UBE3C: variants seen among roughly 807,000 people sequenced by gnomAD.
UBE3C encodes the protein ubiquitin protein ligase E3C, also known as ubiquitin-protein ligase E3C.
Under a neutral mutation model 129.4 loss-of-function variants are expected in UBE3C, and 42 were observed. That is an observed-to-expected ratio of 0.32 (90% CI 0.25 to 0.42). The LOEUF (loss-of-function observed/expected upper bound fraction) is 0.42, where lower values mean the gene tolerates loss of function less well. UBE3C is among the 10% of genes least tolerant of loss of function. UBE3C has a pLI of 1.00. For synonymous variants in UBE3C, 510 were observed against 492.4 expected, an observed-to-expected ratio of 1.04 and a Z score of -0.47; for missense variants, 1,049 against 1,319.1, an observed-to-expected ratio of 0.80 and a Z score of 3.17.
At chr7:157,262,349 T>G (rs1335329654) in intron 22 of UBE3C, among the ~76,000 whole-genome samples, 1 of 143,570 alleles carries the variant, frequency 7.0e-6, no homozygotes, top group Non-Finnish European at 1.5e-5. Flanking sequence ...GAAGTTTACA[T>G]TTAACAGTAA....
Position 157,182,154 on chromosome 7 carries a change from T to C in UBE3C, c.817T>C (p.Phe273Leu). ...AFTEEFLAAP[F>L]TDQIFHFIIP... ...CACAGAGGAGTTTCTGGCAGCACCTTTTACAGATCAGATTTTTCATTTCAT... is the reference window on the plus strand; with the variant it reads ...CACAGAGGAGTTTCTGGCAGCACCTCTTACAGATCAGATTTTTCATTTCAT... Residue 273 changes from phenylalanine to leucine, a missense_variant, in exon 8 of 23, where the codon TTT becomes CTT. Physicochemically the swap from Phe to Leu is conservative, Grantham distance 22 (BLOSUM62 0). Transcript: ENST00000348165. 1 of 1,610,560 alleles carries C rather than the reference T, an allele frequency of 6.2e-7. No individual in the cohort carries two copies. The highest frequency in any genetic ancestry group is 8.5e-7 in the Non-Finnish European group (1 of 1,179,122).
chr7:157,205,826 A>C (rs1347852929), intron 11 of UBE3C, among the ~76,000 whole-genome samples: 1 of 152,180 alleles, frequency 6.6e-6, no homozygotes, highest in East Asian at 1.9e-4. Context: ...TCAGGTGCAC[A>C]TATGGGTTCC....
At position 157,184,028 on chromosome 7, in the gene UBE3C, C is replaced by T. The variant is rs775013451; in HGVS notation, c.1142C>T (p.Pro381Leu). The T allele has an allele frequency of 1.1e-5, 17 of 1,613,950 alleles. No homozygotes were observed. The highest frequency in any genetic ancestry group is 4.5e-5 in the East Asian group (2 of 44,872). The change falls in exon 9 of 23, where the codon CCG becomes CTG. Residue 381 changes from proline to leucine, a missense_variant and splice_region_variant. Pro to Leu is a moderately conservative substitution (Grantham distance 98, BLOSUM62 -3). Transcript: ENST00000348165. ...ESEEADKPSS[P>L]EDGRLSVSYI... ...GAAGAAGCCGACAAGCCCTCAAGCC[C>T]GGTAAGCCCCGTGCCCTGCATCTGG...
At chr7:157,240,498 C>T (rs921162106) in intron 18 of UBE3C, among the ~76,000 whole-genome samples, 1 of 152,090 alleles carries the variant, frequency 6.6e-6, no homozygotes, top group Non-Finnish European at 1.5e-5. Flanking sequence ...GAAGTGAGAC[C>T]AGCCGTGTGG....
rs569340772 is a variant in UBE3C at position 157,163,247 on chromosome 7, C to T, written c.67-563C>T. Reference sequence around the variant, plus strand: ...AAAAAAATACAAAAAATTAGCCGGGCGTGGTGGCGGGCGCCTGTAGTCCCA... The same window carrying T: ...AAAAAAATACAAAAAATTAGCCGGGTGTGGTGGCGGGCGCCTGTAGTCCCA... On this transcript the variant is annotated intron_variant, in intron 1 of 22. Coordinates refer to ENST00000348165, the MANE Select transcript of UBE3C (RefSeq NM_014671.3). Among the ~76,000 whole-genome samples, 409 of 151,928 alleles carry T rather than the reference C, an allele frequency of 2.7e-3. 2 individuals are homozygous for T. Among genetic ancestry groups the T allele is most frequent in the African/African-American group, 9.2e-3 (383 of 41,452 alleles).
At chr7:157,182,351 T>C (rs1177721788) in intron 8 of UBE3C, 23 bp downstream of exon 8, 2 of 1,609,626 alleles carry the variant, frequency 1.2e-6, no homozygotes, top group Non-Finnish European at 1.7e-6. Flanking sequence ...AGATCTTTTT[T>C]ACCTGAACAC....
intron 22 of UBE3C, among the ~76,000 whole-genome samples, chr7:157,263,844 TCC>T (rs1796990322): frequency 6.6e-6 from 1 of 151,680 alleles, no homozygotes; most frequent in African/African-American, 2.4e-5. Context: ...CTATATTTCC[TCC>T]CATTCTAACC....
chr7:157,199,239 G>T (rs1809210170), intron 10 of UBE3C, among the ~76,000 whole-genome samples: 1 of 152,080 alleles, frequency 6.6e-6, no homozygotes. Flanking sequence ...AAATTATTTT[G>T]AAAGTTCGTA....
chr7:157,250,963 C>T (rs961184751), intron 19 of UBE3C, among the ~76,000 whole-genome samples: 8 of 152,060 alleles, frequency 5.3e-5, no homozygotes, highest in South Asian at 2.1e-4. Flanking sequence ...AAAGCACTGC[C>T]GATAATACTG....
intron 22 of UBE3C, among the ~76,000 whole-genome samples, chr7:157,261,447 G>T (rs1796912427): frequency 6.6e-6 from 1 of 151,556 alleles, no homozygotes; most frequent in African/African-American, 2.4e-5. Flanking sequence ...CGGTCTTACT[G>T]TTTTTTTTAT....
chr7:157,140,604 C>T (rs1180327654), intron 1 of UBE3C, among the ~76,000 whole-genome samples: 1 of 152,172 alleles, frequency 6.6e-6, no homozygotes, highest in Non-Finnish European at 1.5e-5. Flanking sequence ...CTTACAAGTT[C>T]GGAAGGTGAG....
rs1373079695 is a variant in UBE3C at position 157,178,841 on chromosome 7, C to G, written c.610C>G (p.His204Asp). Residue 204 changes from histidine (H) to aspartate (D), a missense_variant, in exon 6 of 23, where the codon CAC (histidine) becomes GAC (aspartate). This residue lies in a region of UBE3C where 489 missense variants were observed against 513.8 expected (regional missense o/e 0.95). Transcript: ENST00000348165. ...TGAACAAATTTTGCACTACATGATT[C>G]ACAATGGTAAGTAGTAGGCAGGATC... ...VIEQILHYMI[H>D]NGYYRSLYLL... is the part of the protein sequence containing the mutation. 1.9e-6 allele frequency: 3 copies of G among 1,613,910 alleles called. No homozygotes were observed. The African/African-American group carries it at 4.0e-5, about 22-fold the overall frequency.
chr7:157,224,803 C>T (rs1401655702), intron 16 of UBE3C, among the ~76,000 whole-genome samples: 1 of 151,990 alleles, frequency 6.6e-6, no homozygotes, highest in Non-Finnish European at 1.5e-5. Context: ...CTCTCTCTCT[C>T]TCTCTCTCTC....
chr7:157,258,375 A>G (rs1026236281), intron 22 of UBE3C, among the ~76,000 whole-genome samples: 2 of 152,190 alleles, frequency 1.3e-5, no homozygotes, highest in African/African-American at 4.8e-5. Context: ...AACCTGGGCA[A>G]TGTAGTAGCG....
chr7:157,222,977 G>C (rs775922308), intron 15 of UBE3C: 41 of 323,830 alleles, frequency 1.3e-4, no homozygotes, highest in Non-Finnish European at 2.2e-4. Flanking sequence ...AGGGCTAGCT[G>C]TGCACTTGAG....
intron 1 of UBE3C, among the ~76,000 whole-genome samples, chr7:157,154,030 AAAT>A (rs1289165431): frequency 3.3e-5 from 5 of 151,324 alleles, no homozygotes; most frequent in African/African-American, 1.2e-4. Flanking sequence ...TGTTTAAAAA[AAAT>A]GATAGGCCGG....
intron 18 of UBE3C, among the ~76,000 whole-genome samples, chr7:157,243,229 TGAGAA>T: frequency 1.3e-5 from 2 of 152,266 alleles, no homozygotes; most frequent in Middle Eastern, 3.4e-3. Context: ...GAGTTGGAGA[TGAGAA>T]GGGCAATCTC....
chr7:157,193,147 A>G (rs1211790622), intron 10 of UBE3C, among the ~76,000 whole-genome samples: 1 of 152,222 alleles, frequency 6.6e-6, no homozygotes, highest in Non-Finnish European at 1.5e-5. Context: ...CAGACGAAAT[A>G]CACCTTAAAA....
chr7:157,216,253 TCAGAAATA>T (rs545198953), intron 13 of UBE3C, among the ~76,000 whole-genome samples: 501 of 152,230 alleles, frequency 3.3e-3, no homozygotes, highest in Non-Finnish European at 3.6e-3. Context: ...CTCAGAAAAC[TCAGAAATA>T]CTCTTTCAGG....
Sources: allele counts gnomAD v4.1 joint callset (sites outside exome capture counted in the v4.1 genomes callset), GRCh38; gene constraint gnomAD v4.1.1; regional missense constraint gnomAD v4.1.1; transcripts MANE v1.5; gene names NCBI Gene and HGNC (gene_info 2026-07-23, HGNC 2026-07-21).